Variants in PTPN4 observed in about 807,000 individuals in gnomAD.
The protein encoded by PTPN4 is protein tyrosine phosphatase non-receptor type 4.
Under a neutral mutation model 135.5 loss-of-function variants are expected in PTPN4, and 49 were observed. The ratio of observed to expected loss-of-function variants is 0.36; its 90% CI spans 0.29 to 0.46. The LOEUF is 0.46. Among genes scored for constraint, PTPN4 ranks in the 20% least tolerant of loss-of-function variants. The probability of loss-of-function intolerance (pLI) is 1.00; values close to 1 mark genes in which losing one functional copy is unlikely to be tolerated. For missense variants in PTPN4, 860 were observed against 1,101.0 expected, an observed-to-expected ratio of 0.78 and a Z score of 3.10; for synonymous variants, 333 against 369.9, an observed-to-expected ratio of 0.90 and a Z score of 1.14.
At chr2:119,926,308 C>G (rs1032341356) in intron 12 of PTPN4, among the ~76,000 whole-genome samples, 2 of 152,154 alleles carry the variant, frequency 1.3e-5, no homozygotes, top group African/African-American at 4.8e-5. Context: ...GCCAAAACCC[C>G]ACCATTTTTC....
chr2:119,905,442 T>TA (rs1678473332), intron 10 of PTPN4, among the ~76,000 whole-genome samples: 1 of 152,172 alleles, frequency 6.6e-6, no homozygotes, highest in African/African-American at 2.4e-5. Flanking sequence ...CAATTGTAAA[T>TA]ATGTACCTAA....
intron 15 of PTPN4, among the ~76,000 whole-genome samples, chr2:119,937,070 A>T (rs546004307): frequency 2.4e-4 from 37 of 152,340 alleles, no homozygotes; most frequent in African/African-American, 8.2e-4. Context: ...CATTTTATAG[A>T]TAAGAAAGCC....
At chr2:119,788,725 G>A (rs913180781) in intron 1 of PTPN4, among the ~76,000 whole-genome samples, 3 of 152,228 alleles carry the variant, frequency 2.0e-5, no homozygotes, top group Admixed American at 6.5e-5. Context: ...AATGTCTCAA[G>A]GTTCATCTGC....
At chr2:119,844,293 C>T (rs933205430) in intron 2 of PTPN4, among the ~76,000 whole-genome samples, 1 of 137,552 alleles carries the variant, frequency 7.3e-6, no homozygotes, top group Non-Finnish European at 1.6e-5. Flanking sequence ...ACCCCCCCAC[C>T]TCCCTCCCGG....
chr2:119,792,095 T>C (rs1691160304), intron 1 of PTPN4, among the ~76,000 whole-genome samples: 1 of 152,228 alleles, frequency 6.6e-6, no homozygotes, highest in Non-Finnish European at 1.5e-5. Flanking sequence ...GTTGCGCTCT[T>C]CTATTAACAG....
At chr2:119,938,321 G>T (rs1440993230) in intron 15 of PTPN4, among the ~76,000 whole-genome samples, 1 of 151,708 alleles carries the variant, frequency 6.6e-6, no homozygotes, top group African/African-American at 2.4e-5. Context: ...TAGAGACCAG[G>T]TTTCACCGTG....
intron 2 of PTPN4, among the ~76,000 whole-genome samples, chr2:119,836,475 C>T (rs1677294914): frequency 3.3e-5 from 5 of 152,218 alleles, no homozygotes; most frequent in Admixed American, 6.5e-5. Flanking sequence ...CTGTCTGGAG[C>T]GGCCGCTGCA....
intron 23 of PTPN4, 62 bp from the exon 24 acceptor site, chr2:119,962,554 A>C: frequency 1.0e-6 from 1 of 983,566 alleles, no homozygotes; most frequent in South Asian, 4.2e-5. Flanking sequence ...ATTTTTAAAA[A>C]TTGGAGAACA....
chr2:119,904,220 AT>A (rs1369330015), intron 10 of PTPN4, among the ~76,000 whole-genome samples: 1 of 152,132 alleles, frequency 6.6e-6, no homozygotes, highest in Non-Finnish European at 1.5e-5. Context: ...ACTGAGAGAT[AT>A]TTAAAAAAAA....
chr2:119,942,886 G>A (rs1275644387), intron 15 of PTPN4, among the ~76,000 whole-genome samples: 1 of 152,122 alleles, frequency 6.6e-6, no homozygotes, highest in Non-Finnish European at 1.5e-5. Context: ...TGTATTCTTG[G>A]CAGTTGAAAG....
At chr2:119,774,650 T>C (rs969891526) in intron 1 of PTPN4, among the ~76,000 whole-genome samples, 1 of 152,148 alleles carries the variant, frequency 6.6e-6, no homozygotes, top group Non-Finnish European at 1.5e-5. Context: ...TTGATAGTTT[T>C]AGAGTTTGGC....
intron 19 of PTPN4, among the ~76,000 whole-genome samples, chr2:119,953,003 AG>A (rs1558773416): frequency 6.6e-6 from 1 of 152,094 alleles, no homozygotes; most frequent in African/African-American, 2.4e-5. Context: ...CCTTTCCTTC[AG>A]TTTTTTGACA....
At chr2:119,924,202 AC>A (rs1268373159) in intron 12 of PTPN4, among the ~76,000 whole-genome samples, 1 of 151,606 alleles carries the variant, frequency 6.6e-6, no homozygotes, top group African/African-American at 2.4e-5. Flanking sequence ...AAAGTTTGAA[AC>A]AATTTTAGAC....
chr2:119,828,152 T>A (rs1049568274), intron 2 of PTPN4, among the ~76,000 whole-genome samples: 1 of 152,218 alleles, frequency 6.6e-6, no homozygotes, highest in African/African-American at 2.4e-5. Context: ...AAGCCATATG[T>A]CAGTGCTCTG....
At chr2:119,784,564 T>C (rs1691009943) in intron 1 of PTPN4, among the ~76,000 whole-genome samples, 1 of 151,576 alleles carries the variant, frequency 6.6e-6, no homozygotes, top group African/African-American at 2.4e-5. Context: ...TTTTTTGTAT[T>C]TTTTAGTAGA....
At chr2:119,887,009 G>T (rs1678169834) in intron 9 of PTPN4, among the ~76,000 whole-genome samples, 1 of 149,014 alleles carries the variant, frequency 6.7e-6, no homozygotes, top group Admixed American at 6.7e-5. Flanking sequence ...TTTATTTTAA[G>T]TTCAACTTTC....
At position 119,881,981 on chromosome 2, in the gene PTPN4, T is replaced by C. The variant is rs563213687; in HGVS notation, c.414-116T>C. 5.4e-5 allele frequency: 62 copies of C among 1,144,188 alleles called. 1 individual carries two copies. In the South Asian group the frequency reaches 8.3e-4, roughly 15 times the overall value. 70.9% of individuals were successfully genotyped at this position (1,144,188 alleles called of 1,614,324 possible). ...TCCTTTCATCAGATAAGTTTATTTC[T>C]TAACAGTTAAAATCAAATCACATGA... On this transcript the variant is annotated intron_variant, in intron 6 of 26. Transcript: ENST00000263708.
intron 23 of PTPN4, 33 bp from the exon 24 acceptor site, chr2:119,962,583 A>G: frequency 8.4e-7 from 1 of 1,189,364 alleles, no homozygotes. Flanking sequence ...TATGTATATA[A>G]TTTTATTTAT....
rs1035244362 is a variant in PTPN4 at position 119,955,854 on chromosome 2, G to A, written c.1980+531G>A. 1.2e-4 allele frequency among the ~76,000 whole-genome samples: 18 copies of A among 152,008 alleles called. 1 individual carries two copies. In the East Asian group the frequency reaches 1.5e-3, roughly 13 times the overall value. On this transcript the variant is annotated intron_variant, in intron 20 of 26. Transcript: ENST00000263708. ...CAGGAGGCTGAGGCAGGAGAATGGC[G>A]TGAACCTGGGAGGCAGAGCTTGCAG...
Sources: gnomAD v4.1 joint callset for allele counts (sites outside exome capture counted in the v4.1 genomes callset) on GRCh38, gnomAD v4.1.1 for gene constraint, MANE v1.5 for transcripts, NCBI Gene and HGNC (gene_info 2026-07-23, HGNC 2026-07-21) for gene names.